The following PDGFC variants were observed in gnomAD, a reference collection of about 807,000 sequenced individuals.
PDGFC encodes platelet-derived growth factor C.
In PDGFC, 12 loss-of-function variants were observed where a neutral mutation model predicts 35.5. The observed-to-expected ratio is 0.34, with a 90% CI of 0.22 to 0.55. PDGFC has a LOEUF of 0.55. Among genes scored for constraint, PDGFC ranks in the 20% least tolerant of loss-of-function variants. The pLI, the probability that PDGFC is intolerant of heterozygous loss-of-function variation, is 0.91. For synonymous variants in PDGFC, 159 were observed against 148.8 expected (o/e 1.07, Z -0.50); for missense variants, 322 against 412.4 (o/e 0.78, Z 1.90).
chr4:156,964,472 G>GTA (rs1239741608), intron 1 of PDGFC, among the ~76,000 whole-genome samples: 2 of 148,058 alleles, frequency 1.4e-5, no homozygotes, highest in Non-Finnish European at 3.0e-5. Flanking sequence ...TATATATACA[G>GTA]TATATATATA....
At chr4:156,947,887 A>G (rs1397864756) in intron 1 of PDGFC, among the ~76,000 whole-genome samples, 1 of 152,018 alleles carries the variant, frequency 6.6e-6, no homozygotes, top group Non-Finnish European at 1.5e-5. Flanking sequence ...CCTGACTTCA[A>G]TAAGAGACAG....
chr4:156,761,607 C>T lies in PDGFC; in HGVS notation c.*1483G>A, dbSNP rs561122502. 3.3e-5 allele frequency: 5 copies of T among 152,608 alleles called. No homozygotes were observed. Among genetic ancestry groups the T allele is most frequent in the Admixed American group, 2.0e-4 (3 of 15,300 alleles). The allele number at this position is 152,608 out of a possible 1,614,324, so 9.5% of individuals were successfully genotyped here. A position where few individuals can be genotyped will look rare whatever the true frequency, so the allele number is the denominator to read the frequency against. On this transcript the variant is annotated 3_prime_UTR_variant, in exon 6 of 6. Transcript: ENST00000502773. ...AAGAAATAAATCTTGAGCACACACACACATAATTTTCTCCCCAAAATAGCC... is the reference window on the plus strand; with the variant it reads ...AAGAAATAAATCTTGAGCACACACATACATAATTTTCTCCCCAAAATAGCC...
chr4:156,827,474 A>C (rs1404585804), intron 2 of PDGFC, among the ~76,000 whole-genome samples: 1 of 152,098 alleles, frequency 6.6e-6, no homozygotes, highest in South Asian at 2.1e-4. Flanking sequence ...CAAGCAAATG[A>C]GCAGAGCATT....
chr4:156,760,992 G>A lies in PDGFC; in HGVS notation c.*2098C>T, dbSNP rs998656925. Reference sequence around the variant, plus strand: ...AAACCAGGAAAAGGTAAGGAAGTAAGACAGAACACATAGGCTCATTTTGTT... The same window carrying A: ...AAACCAGGAAAAGGTAAGGAAGTAAAACAGAACACATAGGCTCATTTTGTT... On this transcript the variant is annotated 3_prime_UTR_variant, in exon 6 of 6. Transcript: ENST00000502773. The A allele has an allele frequency of 2.0e-5, 3 of 152,112 alleles. No individual in the cohort carries two copies. Among genetic ancestry groups the A allele is most frequent in the African/African-American group, 7.2e-5 (3 of 41,390 alleles). The allele number at this position is 152,112 out of a possible 1,614,324, so 9.4% of individuals were successfully genotyped here. A position where few individuals can be genotyped will look rare whatever the true frequency, so the allele number is the denominator to read the frequency against.
chr4:156,877,127 A>C (rs2111160367), intron 1 of PDGFC, among the ~76,000 whole-genome samples: 1 of 152,084 alleles, frequency 6.6e-6, no homozygotes, highest in African/African-American at 2.4e-5. Flanking sequence ...GGTACATAAT[A>C]AGTGTATATA....
intron 3 of PDGFC, among the ~76,000 whole-genome samples, chr4:156,782,968 A>G (rs1383508821): frequency 6.6e-6 from 1 of 152,214 alleles, no homozygotes; most frequent in African/African-American, 2.4e-5. Context: ...GGTAATGACT[A>G]TAACGGAAGT....
chr4:156,916,511 T>C (rs752072770), intron 1 of PDGFC, among the ~76,000 whole-genome samples: 1 of 152,210 alleles, frequency 6.6e-6, no homozygotes, highest in Non-Finnish European at 1.5e-5. Flanking sequence ...TACTAGGCCC[T>C]AGATAGGATC....
At chr4:156,818,918 G>T (rs189224467) in intron 2 of PDGFC, among the ~76,000 whole-genome samples, 14 of 152,264 alleles carry the variant, frequency 9.2e-5, no homozygotes, top group African/African-American at 2.4e-4. Context: ...CAGGGAATAA[G>T]GAGGCTCAAG....
chr4:156,950,570 T>A (rs772386564), intron 1 of PDGFC, among the ~76,000 whole-genome samples: 1 of 151,842 alleles, frequency 6.6e-6, no homozygotes, highest in Non-Finnish European at 1.5e-5. Context: ...ATTTAAAATA[T>A]TAATAAAATT....
intron 1 of PDGFC, among the ~76,000 whole-genome samples, chr4:156,871,921 A>G (rs1182833719): frequency 6.6e-6 from 1 of 151,950 alleles, no homozygotes; most frequent in Non-Finnish European, 1.5e-5. Context: ...TGCTTACTAG[A>G]TAACGCTAAA....
chr4:156,920,906 G>A (rs189920570), intron 1 of PDGFC, among the ~76,000 whole-genome samples: 69 of 152,210 alleles, frequency 4.5e-4, no homozygotes, highest in Admixed American at 7.9e-4. Flanking sequence ...GTTACAGACC[G>A]AAAGTTAAAT....
chr4:156,862,681 T>G (rs1729741162), intron 1 of PDGFC, among the ~76,000 whole-genome samples: 1 of 151,944 alleles, frequency 6.6e-6, no homozygotes, highest in South Asian at 2.1e-4. Flanking sequence ...ATAGTCACCT[T>G]AATCACTTTG....
At chr4:156,912,103 A>G (rs1731053333) in intron 1 of PDGFC, among the ~76,000 whole-genome samples, 1 of 152,202 alleles carries the variant, frequency 6.6e-6, no homozygotes, top group Non-Finnish European at 1.5e-5. Context: ...TAGAACTTAC[A>G]CGATGATTTT....
chr4:156,856,888 C>G (rs1729596604), intron 1 of PDGFC, among the ~76,000 whole-genome samples: 1 of 152,050 alleles, frequency 6.6e-6, no homozygotes, highest in African/African-American at 2.4e-5. Context: ...AGTGATAGGA[C>G]TTAGAGTATG....
chr4:156,948,777 T>C (rs1158123608), intron 1 of PDGFC, among the ~76,000 whole-genome samples: 2 of 151,950 alleles, frequency 1.3e-5, no homozygotes, highest in African/African-American at 4.8e-5. Flanking sequence ...CATAGAAATA[T>C]TTATGGGGGC....
intron 1 of PDGFC, among the ~76,000 whole-genome samples, chr4:156,942,105 G>A (rs1731822073): frequency 6.6e-6 from 1 of 151,900 alleles, no homozygotes; most frequent in African/African-American, 2.4e-5. Context: ...TCTGCCTAAA[G>A]ACGAGAGGGA....
At chr4:156,796,306 T>C (rs1434664972) in intron 3 of PDGFC, among the ~76,000 whole-genome samples, 1 of 152,040 alleles carries the variant, frequency 6.6e-6, no homozygotes, top group Non-Finnish European at 1.5e-5. Flanking sequence ...TATCTTTTTA[T>C]ATAATATTTT....
intron 1 of PDGFC, among the ~76,000 whole-genome samples, chr4:156,862,023 G>A (rs1022381578): frequency 1.3e-5 from 2 of 151,826 alleles, no homozygotes; most frequent in African/African-American, 4.9e-5. Context: ...AGACTTCTCA[G>A]ATTTAGGCAG....
chr4:156,805,336 C>T (rs1560819434), intron 3 of PDGFC, among the ~76,000 whole-genome samples: 2 of 151,838 alleles, frequency 1.3e-5, no homozygotes, highest in African/African-American at 2.4e-5. Flanking sequence ...AATACCTCTT[C>T]CAGTCTCTAA....
Sources: gnomAD v4.1 joint callset for allele counts (sites outside exome capture counted in the v4.1 genomes callset) on GRCh38, gnomAD v4.1.1 for gene constraint, MANE v1.5 for transcripts, NCBI Gene and HGNC (gene_info 2026-07-23, HGNC 2026-07-21) for gene names.